Variants in NPAS3 observed in about 807,000 individuals in gnomAD.
NPAS3 encodes the protein neuronal PAS domain protein 3.
Under a neutral mutation model 73.1 loss-of-function variants are expected in NPAS3, and 14 were observed. That is an observed-to-expected ratio of 0.19 (90% CI 0.13 to 0.30). NPAS3 has a LOEUF of 0.30. Among genes scored for constraint, NPAS3 ranks in the 10% least tolerant of loss-of-function variants. The pLI, the probability that NPAS3 is intolerant of heterozygous loss-of-function variation, is 1.00. For synonymous variants in NPAS3, 620 were observed against 541.5 expected, an observed-to-expected ratio of 1.14 and a Z score of -2.01; for missense variants, 1,096 against 1,250.0, an observed-to-expected ratio of 0.88 and a Z score of 1.86.
intron 6 of NPAS3, among the ~76,000 whole-genome samples, chr14:33,704,123 A>G (rs933547726): frequency 3.3e-5 from 5 of 152,244 alleles, no homozygotes; most frequent in African/African-American, 1.2e-4. Flanking sequence ...GTAAAACACT[A>G]TATTATTGCC....
intron 1 of NPAS3, among the ~76,000 whole-genome samples, chr14:32,984,018 G>A (rs556722135): frequency 3.5e-4 from 54 of 152,230 alleles, no homozygotes; most frequent in South Asian, 3.1e-3. Flanking sequence ...CACTGCACCC[G>A]GCCAAATAGA....
intron 7 of NPAS3, among the ~76,000 whole-genome samples, chr14:33,752,482 AG>A (rs952847806): frequency 3.9e-5 from 6 of 152,210 alleles, no homozygotes; most frequent in African/African-American, 1.4e-4. Flanking sequence ...GCTAAAAAAA[AG>A]AACTGGACCA....
chr14:33,750,833 T>C (rs142550662), intron 7 of NPAS3, among the ~76,000 whole-genome samples: 277 of 152,252 alleles, frequency 1.8e-3, no homozygotes, highest in African/African-American at 6.3e-3. Flanking sequence ...TGAGATAATG[T>C]GATATGTGCT....
At chr14:33,039,631 G>A (rs1162887277) in intron 1 of NPAS3, among the ~76,000 whole-genome samples, 1 of 152,220 alleles carries the variant, frequency 6.6e-6, no homozygotes, top group Non-Finnish European at 1.5e-5. Flanking sequence ...TGAACAGTCT[G>A]GGTCTGCCAC....
chr14:33,030,947 TTGAC>T (rs1299014623), intron 1 of NPAS3, among the ~76,000 whole-genome samples: 8 of 152,312 alleles, frequency 5.3e-5, no homozygotes, highest in African/African-American at 1.9e-4. Flanking sequence ...ACACACTTGT[TTGAC>T]TGTGTTGGTG....
At chr14:33,691,566 T>A (rs550559131) in intron 6 of NPAS3, among the ~76,000 whole-genome samples, 2 of 152,352 alleles carry the variant, frequency 1.3e-5, no homozygotes, top group East Asian at 3.9e-4. Flanking sequence ...GAAAATGTAA[T>A]GGAATAAACA....
chr14:32,935,038 C>T (rs2035653456), upstream of NPAS3: 2 of 1,234,658 alleles, frequency 1.6e-6, no homozygotes, highest in Non-Finnish European at 2.1e-6. Context: ...ATAGTGCCCC[C>T]GCCCCGGGGT....
At chr14:33,536,115 C>T (rs1428991809) in intron 4 of NPAS3, among the ~76,000 whole-genome samples, 1 of 152,112 alleles carries the variant, frequency 6.6e-6, no homozygotes, top group African/African-American at 2.4e-5. Context: ...CTGAGGTGAA[C>T]AGAACTAAGC....
chr14:33,205,735 A>G (rs571914001), intron 2 of NPAS3, among the ~76,000 whole-genome samples: 1 of 152,288 alleles, frequency 6.6e-6, no homozygotes. Context: ...AGCATGTGCT[A>G]TGTTTGCTAG....
At chr14:33,761,365 T>A (rs2062282286) in intron 7 of NPAS3, among the ~76,000 whole-genome samples, 1 of 152,174 alleles carries the variant, frequency 6.6e-6, no homozygotes, top group Non-Finnish European at 1.5e-5. Context: ...TGGGTGGAAG[T>A]CTGCATATGA....
At chr14:33,779,181 A>G (rs1164710655) in intron 9 of NPAS3, among the ~76,000 whole-genome samples, 2 of 152,202 alleles carry the variant, frequency 1.3e-5, no homozygotes, top group African/African-American at 4.8e-5. Context: ...AGCTCTTTGA[A>G]TATGGCTCCC....
chr14:32,955,369 T>C (rs1189064972), intron 1 of NPAS3, among the ~76,000 whole-genome samples: 1 of 152,274 alleles, frequency 6.6e-6, no homozygotes, highest in Non-Finnish European at 1.5e-5. Context: ...ATGGGACTAC[T>C]TATGTAACTT....
chr14:33,234,436 G>A (rs919783898), intron 3 of NPAS3, among the ~76,000 whole-genome samples: 3 of 152,070 alleles, frequency 2.0e-5, no homozygotes, highest in Non-Finnish European at 2.9e-5. Flanking sequence ...GGTTAGAGAT[G>A]TATCTCTTCT....
At chr14:33,057,248 A>C (rs2040922736) in intron 2 of NPAS3, among the ~76,000 whole-genome samples, 1 of 152,126 alleles carries the variant, frequency 6.6e-6, no homozygotes, top group Non-Finnish European at 1.5e-5. Flanking sequence ...CACTGTCTAG[A>C]TAGTGTTACT....
Position 33,414,255 on chromosome 14 carries a change from C to T in NPAS3, c.468+46987C>T, listed in dbSNP as rs559641770. Among the ~76,000 whole-genome samples, 57 of 152,258 alleles carry T rather than the reference C, an allele frequency of 3.7e-4. 2 individuals carry two copies. The South Asian group carries it at 0.012, about 31-fold the overall frequency. Reference sequence around the variant, plus strand: ...CAAACATTCGCTTTCCCTCCTCCCCCCACTGTGAGTCAGCAAAATATAAGA... The same window carrying T: ...CAAACATTCGCTTTCCCTCCTCCCCTCACTGTGAGTCAGCAAAATATAAGA... On this transcript the variant is annotated intron_variant, in intron 4 of 11. Transcript: ENST00000356141.
chr14:33,699,495 G>A (rs2060472553), intron 6 of NPAS3, among the ~76,000 whole-genome samples: 1 of 152,028 alleles, frequency 6.6e-6, no homozygotes, highest in African/African-American at 2.4e-5. Flanking sequence ...GACAGAAAGG[G>A]CGCCAGGAAA....
At chr14:33,147,812 T>C (rs2044301080) in intron 2 of NPAS3, among the ~76,000 whole-genome samples, 1 of 150,050 alleles carries the variant, frequency 6.7e-6, no homozygotes, top group Non-Finnish European at 1.5e-5. Context: ...ATTTAGACTT[T>C]TAGAAGATGC....
chr14:33,116,587 C>G (rs1209206342), intron 2 of NPAS3, among the ~76,000 whole-genome samples: 1 of 152,092 alleles, frequency 6.6e-6, no homozygotes, highest in Non-Finnish European at 1.5e-5. Context: ...ATTTCAGTAG[C>G]TTAACACAAG....
chr14:33,333,960 A>T (rs182791350), intron 3 of NPAS3, among the ~76,000 whole-genome samples: 275 of 152,210 alleles, frequency 1.8e-3, no homozygotes, highest in African/African-American at 6.0e-3. Context: ...CCCCTGGAAA[A>T]TTTTGAATCA....
Sources: allele counts gnomAD v4.1 joint callset (sites outside exome capture counted in the v4.1 genomes callset), GRCh38; gene constraint gnomAD v4.1.1; transcripts MANE v1.5; gene names NCBI Gene and HGNC (gene_info 2026-07-23, HGNC 2026-07-21).